SLC9D1: variants seen among roughly 807,000 people sequenced by gnomAD.
The protein encoded by SLC9D1 is putative LAG1-interacting protein.
chr13:113,491,859 G>T, the SLC9D1 span, among the ~76,000 whole-genome samples: 1 of 152,238 alleles, frequency 6.6e-6, no homozygotes, highest in South Asian at 2.1e-4. Context: ...TGCGTATCGG[G>T]TCCCTATTCA....
At chr13:113,522,802 T>G in the SLC9D1 span, among the ~76,000 whole-genome samples, 1 of 151,968 alleles carries the variant, frequency 6.6e-6, no homozygotes, top group Non-Finnish European at 1.5e-5. Context: ...CAGCTAATTT[T>G]CATATTTTTA....
At chr13:113,491,873 C>T in the SLC9D1 span, among the ~76,000 whole-genome samples, 1 of 152,362 alleles carries the variant, frequency 6.6e-6, no homozygotes, top group South Asian at 2.1e-4. Flanking sequence ...CTATTCACTG[C>T]CTGTTTTTCT....
the SLC9D1 span, chr13:113,504,227 T>G: frequency 6.6e-6 from 1 of 152,156 alleles, no homozygotes; most frequent in South Asian, 2.1e-4. Flanking sequence ...ATTTTTGGGG[T>G]TTTTTTTCCA....
chr13:113,515,345 T>TTTTATG, the SLC9D1 span, among the ~76,000 whole-genome samples: 5 of 152,326 alleles, frequency 3.3e-5, no homozygotes, highest in African/African-American at 1.2e-4. Context: ...ATGCAACATG[T>TTTTATG]TTTATGTGTT....
At chr13:113,536,543 A>C in the SLC9D1 span, 1 of 984,430 alleles carries the variant, frequency 1.0e-6, no homozygotes, top group Non-Finnish European at 1.2e-6. Flanking sequence ...TTTGAAAATA[A>C]CTCCCAGCAG....
At chr13:113,535,840 G>A in the SLC9D1 span, among the ~76,000 whole-genome samples, 3,647 of 152,144 alleles carry the variant, frequency 0.024, 117 homozygotes, top group African/African-American at 0.072. The surrounding 1 kb of genome is among the most constrained non-coding windows in gnomAD (Gnocchi z 4.1). Context: ...CACCTGAGTG[G>A]GGGTCTGGGG....
chr13:113,534,355 T>G, the SLC9D1 span: 4 of 854,736 alleles, frequency 4.7e-6, 1 homozygote, highest in African/African-American at 3.4e-5. Context: ...ATTTGAAACA[T>G]TTACTAGTAT....
the SLC9D1 span, among the ~76,000 whole-genome samples, chr13:113,512,704 C>T: frequency 6.8e-6 from 1 of 147,126 alleles, no homozygotes; most frequent in Non-Finnish European, 1.5e-5. Context: ...TTTGGAGCCC[C>T]AGGTGCTGGA....
chr13:113,520,649 T>A, the SLC9D1 span: 1 of 1,613,888 alleles, frequency 6.2e-7, no homozygotes, highest in African/African-American at 1.3e-5. Flanking sequence ...CTCCTCGGCA[T>A]GCTGGTGACG....
At chr13:113,507,839 G>C in the SLC9D1 span, among the ~76,000 whole-genome samples, 1 of 152,276 alleles carries the variant, frequency 6.6e-6, no homozygotes, top group East Asian at 1.9e-4. Flanking sequence ...TATAACGTAC[G>C]TGTGTGCCTA....
the SLC9D1 span, chr13:113,498,349 CAG>C: frequency 2.3e-5 from 35 of 1,540,224 alleles, 1 homozygote; most frequent in South Asian, 4.3e-4. Context: ...TAGGAAGAAA[CAG>C]AATATATGGA....
the SLC9D1 span, chr13:113,547,312 T>TC: frequency 1.2e-6 from 2 of 1,614,138 alleles, no homozygotes; most frequent in South Asian, 2.2e-5. Context: ...CTCCACGTGT[T>TC]CCCCACGTTT....
chr13:113,520,647 C>T, the SLC9D1 span: 2 of 1,613,862 alleles, frequency 1.2e-6, no homozygotes, highest in East Asian at 2.2e-5. Context: ...TGCTCCTCGG[C>T]ATGCTGGTGA....
chr13:113,524,831 T>C, the SLC9D1 span, among the ~76,000 whole-genome samples: 4 of 152,216 alleles, frequency 2.6e-5, no homozygotes, highest in Non-Finnish European at 4.4e-5. Flanking sequence ...TTAAATCCAC[T>C]CAGCCAGTCT....
the SLC9D1 span, chr13:113,510,461 A>G: frequency 6.3e-7 from 1 of 1,586,202 alleles, no homozygotes; most frequent in Non-Finnish European, 8.6e-7. Flanking sequence ...TGTCTAATTC[A>G]TGCTCGTGTG....
At chr13:113,508,557 T>C in the SLC9D1 span, among the ~76,000 whole-genome samples, 3 of 152,190 alleles carry the variant, frequency 2.0e-5, no homozygotes, top group African/African-American at 7.2e-5. Flanking sequence ...CTTCCCCTCC[T>C]TGTGGAAGGA....
At chr13:113,501,943 A>C in the SLC9D1 span, 4 of 1,338,812 alleles carry the variant, frequency 3.0e-6, no homozygotes, top group East Asian at 9.2e-5. Flanking sequence ...GAATTCATGA[A>C]GACTAAAAAG....
chr13:113,550,225 A>G, the SLC9D1 span: 1 of 152,134 alleles, frequency 6.6e-6, no homozygotes. Flanking sequence ...ATCTGTTTTT[A>G]TTAATTTTTT....
At chr13:113,500,268 A>G in the SLC9D1 span, 3 of 513,988 alleles carry the variant, frequency 5.8e-6, no homozygotes, top group Non-Finnish European at 9.6e-6. Flanking sequence ...ATTTTACTAG[A>G]ATTCCGTACA....
Sources: gnomAD v4.1 joint callset for allele counts (sites outside exome capture counted in the v4.1 genomes callset) on GRCh38, gnomAD v4.1.1 for gene constraint, Gnocchi (gnomAD v3.1) non-coding constraint, MANE v1.5 for transcripts, NCBI Gene and HGNC (gene_info 2026-07-23, HGNC 2026-07-21) for gene names.